ARSG: variants seen among roughly 807,000 people sequenced by gnomAD.
ARSG encodes the protein ASG.
ARSG carries 37 observed loss-of-function variants against 50.5 expected under a neutral mutation model. That is an observed-to-expected ratio of 0.73 (90% confidence interval 0.56 to 0.96). The LOEUF is 0.96. Among genes scored for constraint, ARSG ranks in the 50% least tolerant of loss-of-function variants. The probability of loss-of-function intolerance (pLI) is 0.00; values close to 1 mark genes in which losing one functional copy is unlikely to be tolerated. For synonymous variants in ARSG, 225 were observed against 254.6 expected (o/e 0.88, Z 1.11); for missense variants, 629 against 675.3 (o/e 0.93, Z 0.76).
chr17:68,282,264 A>C (rs1555753031), intron 1 of ARSG, among the ~76,000 whole-genome samples: 1 of 151,892 alleles, frequency 6.6e-6, no homozygotes. Context: ...AAAAAAACAA[A>C]CACCACACGT....
chr17:68,346,869 C>T (rs1424085935), intron 3 of ARSG: 1 of 1,423,540 alleles, frequency 7.0e-7, no homozygotes, highest in Non-Finnish European at 9.3e-7. Context: ...CTTCTCCGGG[C>T]TCCTGGTGAT....
At chr17:68,304,616 T>C (rs1555763252) in intron 1 of ARSG, among the ~76,000 whole-genome samples, 1 of 152,236 alleles carries the variant, frequency 6.6e-6, no homozygotes, top group African/African-American at 2.4e-5. Context: ...CCCAGGCCTA[T>C]CTTTTTTACA....
chr17:68,423,935 A>G (rs1360157588), downstream of ARSG, among the ~76,000 whole-genome samples: 4 of 152,222 alleles, frequency 2.6e-5, no homozygotes, highest in East Asian at 7.7e-4. The surrounding 1 kb of genome is among the most constrained non-coding windows in gnomAD (Gnocchi z 4.4). Flanking sequence ...AAATTAGTGA[A>G]ACGGAACCTA....
At chr17:68,289,010 T>TGGAGGATTTCCTAGTAGCATGTG (rs1555755013), upstream of ARSG, among the ~76,000 whole-genome samples, 3 of 152,152 alleles carry the variant, frequency 2.0e-5, no homozygotes, top group Non-Finnish European at 4.4e-5. Flanking sequence ...ACGGGCAGTT[T>TGGAGGATTTCCTAGTAGCATGTG]GGAGGATTTC....
chr17:68,343,742 C>G lies in ARSG; in HGVS notation c.357C>G (p.Thr119=). 2.5e-6 allele frequency: 4 copies of G among 1,614,120 alleles called. No individual in the cohort carries two copies. The highest frequency in any genetic ancestry group is 3.4e-6 in the Non-Finnish European group (4 of 1,179,996). ...TSVGGLPLNE[T]TLAEVLQQAG... ...TGGGAGGCCTTCCGCTCAACGAGACCACCTTGGCAGAGGTGCTGCAGCAGG... is the reference window on the plus strand; with the variant it reads ...TGGGAGGCCTTCCGCTCAACGAGACGACCTTGGCAGAGGTGCTGCAGCAGG... The change falls in exon 3 of 12, where the codon ACC becomes ACG. Residue 119 remains threonine (T), a synonymous_variant. Transcript: ENST00000621439.
chr17:68,418,764 G>A (rs2082553777), intron 11 of ARSG, among the ~76,000 whole-genome samples: 1 of 152,030 alleles, frequency 6.6e-6, no homozygotes, highest in Non-Finnish European at 1.5e-5. Flanking sequence ...ATCCTACAGG[G>A]TCCCCTGTAG....
At chr17:68,309,781 C>T (rs1222444964) in intron 2 of ARSG, among the ~76,000 whole-genome samples, 2 of 151,570 alleles carry the variant, frequency 1.3e-5, no homozygotes, top group Non-Finnish European at 2.9e-5. Flanking sequence ...ATCACTTGAA[C>T]CTGGGAGGCA....
intron 10 of ARSG, 55 bp from the exon 11 acceptor site, chr17:68,401,305 G>A (rs2081459705): frequency 6.7e-7 from 1 of 1,481,680 alleles, no homozygotes; most frequent in East Asian, 2.3e-5. Flanking sequence ...TTACAGGCAT[G>A]AGTCACCGAG....
chr17:68,327,904 C>A (rs1484435130), intron 2 of ARSG, among the ~76,000 whole-genome samples: 1 of 152,098 alleles, frequency 6.6e-6, no homozygotes, highest in Non-Finnish European at 1.5e-5. Flanking sequence ...TCATTTTGAT[C>A]CTGGGTGGCG....
intron 1 of ARSG, among the ~76,000 whole-genome samples, chr17:68,279,732 C>A (rs546892699): frequency 6.6e-6 from 1 of 152,304 alleles, no homozygotes; most frequent in East Asian, 1.9e-4. Flanking sequence ...GGATTGGGCT[C>A]TAGCACATGA....
chr17:68,375,214 G>T (rs562523000), intron 8 of ARSG, among the ~76,000 whole-genome samples: 2 of 152,296 alleles, frequency 1.3e-5, no homozygotes, highest in African/African-American at 2.4e-5. Context: ...TGATGTGGTT[G>T]GTCCAGGGAC....
chr17:68,408,180 TA>T (rs2081824267), intron 11 of ARSG, among the ~76,000 whole-genome samples: 1 of 152,056 alleles, frequency 6.6e-6, no homozygotes, highest in African/African-American at 2.4e-5. Flanking sequence ...ATGTGCAGGT[TA>T]GTTACATATG....
chr17:68,389,254 T>C (rs1208906433), intron 9 of ARSG, among the ~76,000 whole-genome samples: 2 of 152,204 alleles, frequency 1.3e-5, no homozygotes, highest in Non-Finnish European at 2.9e-5. Context: ...TTGGCAGCTC[T>C]CTTTACTCTG....
chr17:68,278,272 C>T, intron 1 of ARSG: 1 of 1,614,130 alleles, frequency 6.2e-7, no homozygotes, highest in East Asian at 2.2e-5. Context: ...TCAGGCACTT[C>T]AGTATACACA....
chr17:68,299,139 CTG>C (rs2076319466), intron 1 of ARSG, among the ~76,000 whole-genome samples: 1 of 133,642 alleles, frequency 7.5e-6, no homozygotes, highest in African/African-American at 2.9e-5. Flanking sequence ...GAGTCTCACT[CTG>C]TTGCCCAGGC....
chr17:68,437,743 G>A, the ARSG span, among the ~76,000 whole-genome samples: 1 of 151,990 alleles, frequency 6.6e-6, no homozygotes, highest in South Asian at 2.1e-4. Context: ...TATTCCGGAA[G>A]AGTAAACAGC....
At chr17:68,300,481 A>G (rs1444747057) in intron 1 of ARSG, among the ~76,000 whole-genome samples, 4 of 152,206 alleles carry the variant, frequency 2.6e-5, no homozygotes, top group Non-Finnish European at 4.4e-5. Context: ...GCTTCCAGTG[A>G]GCGAATTTCA....
Position 68,271,677 on chromosome 17 carries a change from A to C in ARSG, c.-552+12251A>C. 1 of 1,592,168 alleles carries C rather than the reference A, an allele frequency of 6.3e-7. No individual in the cohort carries two copies. The highest frequency in any genetic ancestry group is 8.6e-7 in the Non-Finnish European group (1 of 1,163,682). The stretch of plus-strand genomic sequence containing the variant: ...TTGCTTGAATAGGCAGGAGTGAAGA[A>C]GAAATAATATAAGGTCAATAATGGA... On this transcript the variant is annotated intron_variant, in intron 1 of 11. Coordinates refer to the ARSG transcript ENST00000448504. This position sits in a 1 kb window ranked among gnomAD's most constrained non-coding sequence, Gnocchi z 5.3.
At chr17:68,297,479 G>A (rs931941669) in intron 1 of ARSG, among the ~76,000 whole-genome samples, 6 of 152,182 alleles carry the variant, frequency 3.9e-5, no homozygotes, top group African/African-American at 9.7e-5. Flanking sequence ...CTATGGTGGC[G>A]TGTTTGTAGC....
Sources: allele counts gnomAD v4.1 joint callset (sites outside exome capture counted in the v4.1 genomes callset), GRCh38; gene constraint gnomAD v4.1.1; non-coding constraint Gnocchi (gnomAD v3.1); transcripts MANE v1.5; gene names NCBI Gene and HGNC (gene_info 2026-07-23, HGNC 2026-07-21).